The following SEMA6A variants were observed in gnomAD, a reference collection of about 807,000 sequenced individuals.
The protein encoded by SEMA6A is semaphorin 6A, also known as semaphorin-6A.
Under a neutral mutation model 96.8 loss-of-function variants are expected in SEMA6A, and 25 were observed. That is an observed-to-expected ratio of 0.26 (90% CI 0.19 to 0.36). SEMA6A has a LOEUF of 0.36. Among genes scored for constraint, SEMA6A ranks in the 10% least tolerant of loss-of-function variants. The pLI is 1.00. For missense variants in SEMA6A, 1,363 were observed against 1,323.1 expected (o/e 1.03, Z -0.47); for synonymous variants, 612 against 518.0 (o/e 1.18, Z -2.46).
intron 1 of SEMA6A, among the ~76,000 whole-genome samples, chr5:116,541,633 G>C (rs1024032675): frequency 5.9e-5 from 9 of 152,152 alleles, no homozygotes; most frequent in Non-Finnish European, 8.8e-5. Context: ...AGGAGATCGA[G>C]ACCAGCCTGG....
Position 116,488,926 on chromosome 5 carries a change from G to T in SEMA6A, c.617C>A (p.Thr206Asn). The T allele has an allele frequency of 6.3e-7, 1 of 1,589,180 alleles. No homozygotes were observed. Among genetic ancestry groups the T allele is most frequent in the Non-Finnish European group, 8.6e-7 (1 of 1,166,720 alleles). The change falls in exon 8 of 19, where the codon ACC becomes AAC. Residue 206 changes from threonine (T) to asparagine (N), a missense_variant. Physicochemically the swap from Thr to Asn is moderately conservative, Grantham distance 65. Transcript: ENST00000343348. ...VIYRSLGESPTLRTVKHDSKW... is the reference protein window; with the variant it reads ...VIYRSLGESPNLRTVKHDSKW... ...TGAATCGTGCTTGACGGTCCGCAGG[G>T]TAGGGCTTTCTCCAAGACTCCGGTA...
intron 18 of SEMA6A, among the ~76,000 whole-genome samples, chr5:116,454,501 C>T (rs754745709): frequency 1.5e-4 from 23 of 152,254 alleles, no homozygotes; most frequent in Middle Eastern, 3.4e-3. Context: ...AGCCAAGCAT[C>T]GCCCCGCTAA....
intron 18 of SEMA6A, among the ~76,000 whole-genome samples, chr5:116,454,339 A>C (rs796797467): frequency 1.4e-4 from 21 of 152,340 alleles, no homozygotes; most frequent in African/African-American, 4.3e-4. Flanking sequence ...TCTGCTTTAT[A>C]GTAAGACAAG....
intron 1 of SEMA6A, among the ~76,000 whole-genome samples, chr5:116,532,785 C>T (rs1432868271): frequency 6.6e-6 from 1 of 152,148 alleles, no homozygotes; most frequent in Non-Finnish European, 1.5e-5. Flanking sequence ...CTGTATGTCA[C>T]GGTGCTTTGT....
chr5:116,525,833 T>G (rs1186601173), intron 1 of SEMA6A, among the ~76,000 whole-genome samples: 1 of 152,216 alleles, frequency 6.6e-6, no homozygotes, highest in Non-Finnish European at 1.5e-5. Context: ...AGGGGCCGTT[T>G]TACTTCTATT....
chr5:116,450,424 G>A (rs1040325323), intron 18 of SEMA6A, among the ~76,000 whole-genome samples: 3 of 152,212 alleles, frequency 2.0e-5, no homozygotes, highest in Non-Finnish European at 2.9e-5. Context: ...TAAAAGGAAC[G>A]TGGAAAGAGT....
chr5:116,536,771 G>A (rs965188948), intron 1 of SEMA6A, among the ~76,000 whole-genome samples: 2 of 146,594 alleles, frequency 1.4e-5, no homozygotes, highest in Admixed American at 6.8e-5. Flanking sequence ...TGCATTGTCC[G>A]CGGGAGATGT....
At chr5:116,490,256 A>C (rs1247461930) in intron 7 of SEMA6A, among the ~76,000 whole-genome samples, 1 of 152,192 alleles carries the variant, frequency 6.6e-6, no homozygotes, top group African/African-American at 2.4e-5. Flanking sequence ...ATATCTACGA[A>C]TCATAACTTT....
At chr5:116,493,729 G>A (rs258012) in intron 6 of SEMA6A, among the ~76,000 whole-genome samples, 1 of 151,796 alleles carries the variant, frequency 6.6e-6, no homozygotes, top group African/African-American at 2.4e-5. Context: ...TTGTTGGTGC[G>A]GATTCCAGCC....
At position 116,558,030 on chromosome 5, in the gene SEMA6A, G is replaced by A. The variant is rs1760675823; in HGVS notation, c.-39+16155C>T. Among the ~76,000 whole-genome samples, 3 of 152,242 alleles carry A rather than the reference G, an allele frequency of 2.0e-5. 1 individual carries two copies. The highest frequency in any genetic ancestry group is 3.4e-3 in the Middle Eastern group (1 of 294). Reference sequence around the variant, plus strand: ...TTTAAAAATCAAATCGTTCCTTAATGTTTACTTCTAATATGCCTTTAAAAT... The same window carrying A: ...TTTAAAAATCAAATCGTTCCTTAATATTTACTTCTAATATGCCTTTAAAAT... On this transcript the variant is annotated intron_variant, in intron 1 of 18. Coordinates refer to ENST00000343348, the MANE Select transcript of SEMA6A (RefSeq NM_020796.5).
At chr5:116,472,643 C>G in intron 17 of SEMA6A, 1 of 446,428 alleles carries the variant, frequency 2.2e-6, no homozygotes, top group South Asian at 3.9e-5. Flanking sequence ...ACCAAATTCC[C>G]TAAGGTTGGC....
chr5:116,447,824 T>A lies in SEMA6A; in HGVS notation c.1895-13A>T. On this transcript the variant is annotated splice_polypyrimidine_tract_variant and intron_variant, in intron 18 of 18. Transcript: ENST00000343348. ...TCCCGAATCACTCCTGCAATAGACA[T>A]CGCATATGGCGTTAAGAAATGAAAG... 1 of 1,566,830 alleles carries A rather than the reference T, an allele frequency of 6.4e-7. No individual in the cohort carries two copies. The highest frequency in any genetic ancestry group is 2.3e-5 in the East Asian group (1 of 43,966).
chr5:116,567,953 A>G (rs1447293656), intron 1 of SEMA6A, among the ~76,000 whole-genome samples: 1 of 152,218 alleles, frequency 6.6e-6, no homozygotes, highest in Non-Finnish European at 1.5e-5. Context: ...TTTAATGATA[A>G]TGTTGAAAGC....
chr5:116,458,671 G>A (rs1291299726), intron 18 of SEMA6A, among the ~76,000 whole-genome samples: 1 of 151,932 alleles, frequency 6.6e-6, no homozygotes, highest in East Asian at 1.9e-4. Flanking sequence ...CTCAAATACG[G>A]GTGTGCAAAT....
At position 116,447,527 on chromosome 5, in the gene SEMA6A, T is replaced by C. The variant is rs1412321436; in HGVS notation, c.2179A>G (p.Met727Val). Residue 727 changes from methionine to valine, a missense_variant, in exon 19 of 19, where the codon ATG becomes GTG. Transcript: ENST00000343348. ...GGAGTGGCGAGCTTGCCGTTGTGCA[T>C]GAGTGGCGTGAGGATGGCCTCCGGC... ...PKPEAILTPL[M>V]HNGKLATPGN... 4.3e-6 allele frequency: 7 copies of C among 1,614,092 alleles called. No individual in the cohort carries two copies. Among genetic ancestry groups the C allele is most frequent in the Non-Finnish European group, 5.9e-6 (7 of 1,179,914 alleles).
intron 3 of SEMA6A, chr5:116,498,908 G>C (rs1757741352): frequency 6.6e-6 from 1 of 152,160 alleles, no homozygotes; most frequent in Non-Finnish European, 1.5e-5. Flanking sequence ...TGCATTGGCA[G>C]CTCCTCAGAA....
intron 10 of SEMA6A, among the ~76,000 whole-genome samples, chr5:116,484,657 T>C (rs1441637842): frequency 1.3e-5 from 2 of 151,842 alleles, no homozygotes; most frequent in African/African-American, 2.4e-5. Flanking sequence ...ATAACAAAAA[T>C]CATAACAACA....
At chr5:116,466,269 T>C (rs1344505212) in intron 18 of SEMA6A, among the ~76,000 whole-genome samples, 1 of 151,188 alleles carries the variant, frequency 6.6e-6, no homozygotes, top group African/African-American at 2.4e-5. Context: ...TCCCAGCTAC[T>C]TGGGAAGCTG....
chr5:116,494,940 G>GA (rs2307765), intron 6 of SEMA6A, among the ~76,000 whole-genome samples: 61,078 of 152,080 alleles, frequency 0.4, 13,687 homozygotes, highest in East Asian at 0.69. Context: ...AAGCAAGGCC[G>GA]TGGTCAAGAA....
Sources: allele counts gnomAD v4.1 joint callset (sites outside exome capture counted in the v4.1 genomes callset), GRCh38; gene constraint gnomAD v4.1.1; transcripts MANE v1.5; gene names NCBI Gene and HGNC (gene_info 2026-07-23, HGNC 2026-07-21).